Variants in ANKRD44 observed in about 807,000 individuals in gnomAD.
ANKRD44 encodes the protein serine/threonine-protein phosphatase 6 regulatory ankyrin repeat subunit B.
ANKRD44 carries 35 observed loss-of-function variants against 116.0 expected under a neutral mutation model. That is an observed-to-expected ratio of 0.30 (90% confidence interval 0.23 to 0.40). ANKRD44 has a LOEUF of 0.40. Ranked by LOEUF, ANKRD44 falls within the 10% of genes least tolerant of loss-of-function variation. The pLI, the probability that ANKRD44 is intolerant of heterozygous loss-of-function variation, is 1.00. For missense variants in ANKRD44, 1,014 were observed against 1,242.6 expected (o/e 0.82, Z 2.77); for synonymous variants, 435 against 461.8 (o/e 0.94, Z 0.74).
At chr2:197,034,770 G>A (rs1326763081) in intron 16 of ANKRD44, among the ~76,000 whole-genome samples, 1 of 151,882 alleles carries the variant, frequency 6.6e-6, no homozygotes, top group Non-Finnish European at 1.5e-5. Context: ...CAGATTTGAG[G>A]TTGAAATATC....
At chr2:197,120,224 C>G (rs1359361433) in intron 8 of ANKRD44, among the ~76,000 whole-genome samples, 7 of 152,198 alleles carry the variant, frequency 4.6e-5, no homozygotes, top group Admixed American at 4.6e-4. Flanking sequence ...GAGACTGAAT[C>G]TCATCTTAGA....
intron 2 of ANKRD44, among the ~76,000 whole-genome samples, chr2:197,149,623 C>T (rs1166514713): frequency 6.6e-6 from 1 of 152,172 alleles, no homozygotes; most frequent in Admixed American, 6.5e-5. Flanking sequence ...TCCTTTAGTT[C>T]TCCAAAGCAG....
At chr2:197,067,311 G>C (rs1353479048) in intron 16 of ANKRD44, among the ~76,000 whole-genome samples, 1 of 152,108 alleles carries the variant, frequency 6.6e-6, no homozygotes, top group Non-Finnish European at 1.5e-5. Context: ...TTAAATGTTA[G>C]ACCTAACACC....
intron 20 of ANKRD44, among the ~76,000 whole-genome samples, chr2:197,006,513 T>G (rs955602147): frequency 2.6e-4 from 39 of 152,160 alleles, no homozygotes; most frequent in African/African-American, 9.4e-4. Context: ...AAGATCTAAG[T>G]GAAATCTTGG....
chr2:196,975,503 G>A lies in ANKRD44; in HGVS notation c.2369-8057C>T, dbSNP rs1454617796. ...AAACAAGAAAAATACGTCAAAAGGG[G>A]CTGGGTGCGGTGGCTCACGCCTGTG... On this transcript the variant is annotated intron_variant, in intron 21 of 21. Transcript: ENST00000424317. 2.6e-5 allele frequency among the ~76,000 whole-genome samples: 4 copies of A among 152,120 alleles called. No homozygotes were observed. The East Asian group carries it at 7.7e-4, about 29-fold the overall frequency.
intron 9 of ANKRD44, among the ~76,000 whole-genome samples, chr2:197,105,047 A>G (rs984416938): frequency 6.6e-6 from 1 of 152,202 alleles, no homozygotes; most frequent in Non-Finnish European, 1.5e-5. Context: ...GGGAACTTGA[A>G]TAGAAATACT....
chr2:197,006,902 T>G (rs6706307), intron 20 of ANKRD44, among the ~76,000 whole-genome samples: 4 of 152,068 alleles, frequency 2.6e-5, no homozygotes, highest in East Asian at 3.9e-4. Context: ...CCCAGCAGTT[T>G]GAGACCTGCC....
At chr2:197,159,026 G>A (rs571634312) in intron 2 of ANKRD44, among the ~76,000 whole-genome samples, 1 of 150,772 alleles carries the variant, frequency 6.6e-6, no homozygotes, top group African/African-American at 2.5e-5. Flanking sequence ...CATACACACG[G>A]TATTAGAAAA....
At chr2:197,207,889 T>C (rs1011988205) in intron 1 of ANKRD44, among the ~76,000 whole-genome samples, 14 of 152,200 alleles carry the variant, frequency 9.2e-5, no homozygotes, top group Non-Finnish European at 1.8e-4. Context: ...ACCAGCTTTT[T>C]AAAAATGTAC....
chr2:196,990,016 G>A, intron 27 of ANKRD44: 1 of 1,050,580 alleles, frequency 9.5e-7, no homozygotes. Flanking sequence ...ATTAGTCACA[G>A]GCTTGTTATA....
intron 1 of ANKRD44, among the ~76,000 whole-genome samples, chr2:197,195,408 C>T (rs367987333): frequency 6.6e-6 from 1 of 152,132 alleles, no homozygotes; most frequent in African/African-American, 2.4e-5. Context: ...GAGTTAGAGG[C>T]CCAGTTAGAA....
In ANKRD44 at chr2:197,083,381, T is replaced by C. The variant is rs146056112; in HGVS notation, c.1445A>G (p.Asp482Gly). Residue 482 changes from aspartate to glycine, a missense_variant, in exon 14 of 28, where the codon GAC (aspartate) becomes GGC (glycine). Physicochemically the swap from Asp to Gly is moderately conservative, Grantham distance 94. Coordinates refer to ENST00000282272, the MANE Select transcript of ANKRD44 (RefSeq NM_001195144.2). The stretch of plus-strand genomic sequence containing the variant: ...AGGCTGTTTTTACTTTCTATCCATG[T>C]CTGATGCAGCGGCGTAATGCAAAGC... ...RTALHYAAAS[D>G]MDRNKTILGN... is the part of the protein sequence containing the mutation. 3.2e-4 allele frequency: 523 copies of C among 1,612,964 alleles called. 1 individual carries two copies. The highest frequency in any genetic ancestry group is 1.1e-3 in the Middle Eastern group (6 of 5,686).
intron 1 of ANKRD44, among the ~76,000 whole-genome samples, chr2:197,294,218 C>A (rs1489779989): frequency 6.6e-6 from 1 of 152,190 alleles, no homozygotes; most frequent in Non-Finnish European, 1.5e-5. Flanking sequence ...TTGTACACTA[C>A]ATTAATTTCT....
At chr2:197,296,581 A>G (rs191564280) in intron 1 of ANKRD44, 2 of 152,192 alleles carry the variant, frequency 1.3e-5, no homozygotes, top group Non-Finnish European at 2.9e-5. Flanking sequence ...CTCTAAAAGA[A>G]TAAATAAATA....
intron 16 of ANKRD44, among the ~76,000 whole-genome samples, chr2:197,030,373 T>C (rs2076681990): frequency 6.6e-6 from 1 of 152,226 alleles, no homozygotes; most frequent in South Asian, 2.1e-4. Flanking sequence ...GAAGACTGTC[T>C]TTTAGCTTCC....
At chr2:197,172,738 G>A (rs1018179039) in intron 2 of ANKRD44, among the ~76,000 whole-genome samples, 10 of 152,134 alleles carry the variant, frequency 6.6e-5, no homozygotes, top group Admixed American at 4.6e-4. Flanking sequence ...CTAATTTTTT[G>A]TATTTTTAGT....
At position 197,051,670 on chromosome 2, in the gene ANKRD44, C is replaced by A. The variant is rs144187678; in HGVS notation, c.1651-26403G>T. On this transcript the variant is annotated intron_variant, in intron 16 of 27. Transcript: ENST00000282272. ...TAACAGTACTAGCTTAGAGTCCCAG[C>A]TGTATCTCACTTATAAATAAGGGTC... is the stretch of plus-strand genomic sequence containing the variant. 1.5e-3 allele frequency among the ~76,000 whole-genome samples: 222 copies of A among 152,316 alleles called. 1 individual carries two copies. The highest frequency in any genetic ancestry group is 5.0e-3 in the African/African-American group (209 of 41,566).
intron 1 of ANKRD44, among the ~76,000 whole-genome samples, chr2:197,290,014 C>T (rs777153630): frequency 3.9e-5 from 6 of 152,082 alleles, no homozygotes; most frequent in South Asian, 4.2e-4. Context: ...GTGCCCGCCA[C>T]CACGCCTGGC....
chr2:197,186,799 T>C (rs2080684793), intron 2 of ANKRD44, among the ~76,000 whole-genome samples: 1 of 151,814 alleles, frequency 6.6e-6, no homozygotes, highest in African/African-American at 2.4e-5. Flanking sequence ...TATATTACCA[T>C]ATTACAAAGT....
Sources: allele counts gnomAD v4.1 joint callset (sites outside exome capture counted in the v4.1 genomes callset), GRCh38; gene constraint gnomAD v4.1.1; transcripts MANE v1.5; gene names NCBI Gene and HGNC (gene_info 2026-07-23, HGNC 2026-07-21).